The following SLC23A2 variants were observed in gnomAD, a reference collection of about 807,000 sequenced individuals.
The protein encoded by SLC23A2 is Na(+)/L-ascorbic acid transporter 2.
SLC23A2 carries 36 observed loss-of-function variants against 73.3 expected under a neutral mutation model. That is an observed-to-expected ratio of 0.49 (90% confidence interval 0.38 to 0.65). The LOEUF (loss-of-function observed/expected upper bound fraction) is 0.65. Ranked by LOEUF, SLC23A2 falls within the 30% of genes least tolerant of loss-of-function variation. The pLI is 0.00. For synonymous variants in SLC23A2, 343 were observed against 327.3 expected (o/e 1.05, Z -0.52); for missense variants, 507 against 841.6 (o/e 0.60, Z 4.92).
In SLC23A2 at chr20:4,947,423, CT is replaced by C. The variant is rs2087135137; in HGVS notation, c.-154-14708del. 6.6e-6 allele frequency among the ~76,000 whole-genome samples: 1 copy of C among 152,210 alleles called. No individual in the cohort carries two copies. The highest frequency in any genetic ancestry group is 1.5e-5 in the Non-Finnish European group (1 of 68,040). On this transcript the variant is annotated intron_variant, in intron 2 of 16. Coordinates refer to ENST00000338244, the MANE Select transcript of SLC23A2 (RefSeq NM_005116.6). The surrounding 1 kb of genome is among the most constrained non-coding windows in gnomAD (Gnocchi z 4.4). ...TTCTACTACGTGATTTAACACATCA[CT>C]TTTTGCACACATGGTGCTTTTTATT...
At chr20:4,915,559 G>C (rs1932292553) in intron 3 of SLC23A2, among the ~76,000 whole-genome samples, 1 of 152,180 alleles carries the variant, frequency 6.6e-6, no homozygotes, top group Non-Finnish European at 1.5e-5. Flanking sequence ...CCCAATTCAT[G>C]TGTTTTTGTA....
intron 15 of SLC23A2, among the ~76,000 whole-genome samples, chr20:4,859,773 A>G (rs916527693): frequency 2.0e-5 from 3 of 152,228 alleles, no homozygotes; most frequent in Admixed American, 1.3e-4. Flanking sequence ...GATGACAAAA[A>G]TATTTCTGGC....
At chr20:4,870,688 G>A (rs543838641) in intron 11 of SLC23A2, among the ~76,000 whole-genome samples, 3 of 152,178 alleles carry the variant, frequency 2.0e-5, no homozygotes, top group Non-Finnish European at 4.4e-5. Flanking sequence ...AACTGAAAGT[G>A]CCCTGCCACG....
At chr20:4,984,771 C>A (rs1016206632) in intron 1 of SLC23A2, among the ~76,000 whole-genome samples, 1 of 152,088 alleles carries the variant, frequency 6.6e-6, no homozygotes, top group Admixed American at 6.6e-5. Flanking sequence ...AGCAAGGACA[C>A]AGAGAAATTG....
intron 2 of SLC23A2, among the ~76,000 whole-genome samples, chr20:4,940,712 A>G (rs1368170120): frequency 6.6e-6 from 1 of 152,252 alleles, no homozygotes; most frequent in Non-Finnish European, 1.5e-5. Context: ...ATCTTTCCAT[A>G]AAGTGAAACA....
intron 1 of SLC23A2, among the ~76,000 whole-genome samples, chr20:5,009,824 G>A (rs572710234): frequency 2.6e-5 from 4 of 152,274 alleles, no homozygotes; most frequent in South Asian, 4.1e-4. Flanking sequence ...GGCCAGGCGC[G>A]GTGGCTCACG....
At chr20:4,904,346 A>G (rs1010690020) in intron 4 of SLC23A2, among the ~76,000 whole-genome samples, 1 of 152,220 alleles carries the variant, frequency 6.6e-6, no homozygotes, top group African/African-American at 2.4e-5. Context: ...CACTGCCTGC[A>G]TGACTCCACT....
intron 1 of SLC23A2, among the ~76,000 whole-genome samples, chr20:4,991,036 C>T (rs977722067): frequency 2.0e-5 from 3 of 151,580 alleles, no homozygotes; most frequent in Non-Finnish European, 2.9e-5. Context: ...TGCTTTATAC[C>T]TGCTCTATAC....
Position 4,856,214 on chromosome 20 carries a change from G to A in SLC23A2, c.*758C>T, listed in dbSNP as rs923069960. On this transcript the variant is annotated 3_prime_UTR_variant, in exon 17 of 17. Coordinates refer to ENST00000338244, the MANE Select transcript of SLC23A2 (RefSeq NM_005116.6). The surrounding 1 kb of genome is among the most constrained non-coding windows in gnomAD (Gnocchi z 4.6). The stretch of plus-strand genomic sequence containing the variant: ...GCCAACAGTGATAAATGCCAGAGAG[G>A]GTGTCTCGGCCACTAGTGAAATGAA... 7 of 152,186 alleles carry A rather than the reference G, an allele frequency of 4.6e-5. No individual in the cohort carries two copies. The highest frequency in any genetic ancestry group is 1.7e-4 in the African/African-American group (7 of 41,438). The allele number at this position is 152,186 out of a possible 1,614,324, so 9.4% of individuals were successfully genotyped here.
chr20:4,873,929 T>C lies in SLC23A2; in HGVS notation c.1102+7A>G. The stretch of plus-strand genomic sequence containing the variant: ...CTCTTGACCCCTCTAGCCATCAGAA[T>C]ACTTACATGGGTATGGAACCTTAAA... On this transcript the variant is annotated splice_region_variant and intron_variant, in intron 11 of 16. Coordinates refer to ENST00000338244, the MANE Select transcript of SLC23A2 (RefSeq NM_005116.6). The C allele has an allele frequency of 6.2e-7, 1 of 1,611,084 alleles. No individual in the cohort carries two copies. The highest frequency in any genetic ancestry group is 8.5e-7 in the Non-Finnish European group (1 of 1,178,584).
Position 4,932,646 on chromosome 20 carries a change from C to T in SLC23A2, c.-84G>A, listed in dbSNP as rs1425110212. The T allele has an allele frequency of 1.9e-5, 15 of 801,798 alleles. No individual in the cohort carries two copies. Among genetic ancestry groups the T allele is most frequent in the South Asian group, 4.2e-5 (3 of 71,568 alleles). The allele number at this position is 801,798 out of a possible 1,614,324, so 49.7% of individuals were successfully genotyped here. ...TTCAAGCTAGGAGCCCAGGATCAGCCGGCTCTTCTAGTGCCTGGAGCCCCC... is the reference window on the plus strand; with the variant it reads ...TTCAAGCTAGGAGCCCAGGATCAGCTGGCTCTTCTAGTGCCTGGAGCCCCC... On this transcript the variant is annotated 5_prime_UTR_variant, in exon 3 of 17. Transcript: ENST00000338244.
In SLC23A2 at chr20:4,889,938, T is replaced by C. The variant is rs528411292; in HGVS notation, c.483-4029A>G. ...GTGATTAGATTAAAAGTACTCAGAG[T>C]TGGGGGTGAAATGTGCATGGGTTTT... On this transcript the variant is annotated intron_variant, in intron 6 of 16. Transcript: ENST00000338244. Among the ~76,000 whole-genome samples, 519 of 152,196 alleles carry C rather than the reference T, an allele frequency of 3.4e-3. 2 individuals carry two copies. Among genetic ancestry groups the C allele is most frequent in the Non-Finnish European group, 3.2e-3 (216 of 68,008 alleles).
chr20:4,901,015 G>A (rs1931724989), intron 5 of SLC23A2, among the ~76,000 whole-genome samples: 1 of 152,194 alleles, frequency 6.6e-6, no homozygotes, highest in Non-Finnish European at 1.5e-5. Flanking sequence ...GTCAGGAAGG[G>A]CATGATGCAG....
At chr20:4,962,468 G>A (rs1179609607) in intron 2 of SLC23A2, among the ~76,000 whole-genome samples, 1 of 152,202 alleles carries the variant, frequency 6.6e-6, no homozygotes. Context: ...TGAGAGCTAG[G>A]GAGGACAGGG....
chr20:4,949,625 C>T (rs927108753), intron 2 of SLC23A2, among the ~76,000 whole-genome samples: 2 of 151,986 alleles, frequency 1.3e-5, no homozygotes, highest in African/African-American at 4.8e-5. Context: ...AACTTCTCAC[C>T]CACCTACACA....
rs141775035 is a variant in SLC23A2, at chr20:4,869,733, T to G, written c.1250+173A>C. 217 of 551,496 alleles carry G rather than the reference T, an allele frequency of 3.9e-4. 1 individual carries two copies. Among genetic ancestry groups the G allele is most frequent in the African/African-American group, 3.0e-3 (162 of 53,412 alleles). 34.2% of individuals were successfully genotyped at this position (551,496 alleles called of 1,614,324 possible). ...GAAAGTAAACAAAGGCAGTGGTGTA[T>G]CAGACAGTCGAAAGTAAACAAAGGT... On this transcript the variant is annotated intron_variant, in intron 12 of 16. Transcript: ENST00000338244.
At chr20:4,905,764 A>G (rs1931925556) in intron 4 of SLC23A2, among the ~76,000 whole-genome samples, 1 of 152,250 alleles carries the variant, frequency 6.6e-6, no homozygotes, top group Admixed American at 6.5e-5. Context: ...ATAAAGGACC[A>G]TACAGTAAAT....
intron 3 of SLC23A2, among the ~76,000 whole-genome samples, chr20:4,930,232 A>T (rs1312918209): frequency 3.3e-5 from 5 of 152,194 alleles, no homozygotes; most frequent in African/African-American, 1.2e-4. Context: ...GATAAAATAA[A>T]GCCACCAAAG....
Position 4,947,796 on chromosome 20 carries a change from G to A in SLC23A2, c.-154-15080C>T, listed in dbSNP as rs1299271858. On this transcript the variant is annotated intron_variant, in intron 2 of 16. Coordinates refer to ENST00000338244, the MANE Select transcript of SLC23A2 (RefSeq NM_005116.6). The surrounding 1 kb of genome is among the most constrained non-coding windows in gnomAD (Gnocchi z 4.4). The stretch of plus-strand genomic sequence containing the variant: ...AAGAAAAGGCCAAAAGACCAGAATA[G>A]GCCTGAGAAGGTCATATCTAAAAGT... Among the ~76,000 whole-genome samples, 1 of 152,208 alleles carries A rather than the reference G, an allele frequency of 6.6e-6. No individual in the cohort carries two copies. Among genetic ancestry groups the A allele is most frequent in the Non-Finnish European group, 1.5e-5 (1 of 68,038 alleles).
Sources: gnomAD v4.1 joint callset for allele counts (sites outside exome capture counted in the v4.1 genomes callset) on GRCh38, gnomAD v4.1.1 for gene constraint, Gnocchi (gnomAD v3.1) non-coding constraint, MANE v1.5 for transcripts, NCBI Gene and HGNC (gene_info 2026-07-23, HGNC 2026-07-21) for gene names.